The following BCL2L13 variants were observed in gnomAD, a reference collection of about 807,000 sequenced individuals.
BCL2L13 encodes bcl-2-like protein 13.
A neutral mutation model predicts 25.8 loss-of-function variants in BCL2L13; 13 were observed. The ratio of observed to expected loss-of-function variants is 0.50; its 90% CI spans 0.33 to 0.80. BCL2L13 has a LOEUF of 0.80. Ranked by LOEUF, BCL2L13 falls within the 30% of genes least tolerant of loss-of-function variation. BCL2L13 has a pLI of 0.02. For synonymous variants in BCL2L13, 244 were observed against 230.3 expected (o/e 1.06, Z -0.54); for missense variants, 504 against 574.9 (o/e 0.88, Z 1.26).
intron 5 of BCL2L13, among the ~76,000 whole-genome samples, chr22:17,702,019 A>C (rs2060452971): frequency 6.6e-6 from 1 of 152,076 alleles, no homozygotes; most frequent in African/African-American, 2.4e-5. Flanking sequence ...ATGCACACAC[A>C]TGCCTAATTA....
chr22:17,678,480 C>G (rs1349926498), intron 2 of BCL2L13, among the ~76,000 whole-genome samples: 1 of 152,082 alleles, frequency 6.6e-6, no homozygotes, highest in East Asian at 1.9e-4. Flanking sequence ...GACGAGAGCA[C>G]AGCCTGGATT....
At chr22:17,678,518 G>A (rs2059639571) in intron 2 of BCL2L13, among the ~76,000 whole-genome samples, 1 of 152,158 alleles carries the variant, frequency 6.6e-6, no homozygotes, top group African/African-American at 2.4e-5. Context: ...ACTCACCAGA[G>A]TTCCAATTAT....
chr22:17,664,786 C>G (rs935287575), intron 2 of BCL2L13, among the ~76,000 whole-genome samples: 1 of 152,236 alleles, frequency 6.6e-6, no homozygotes, highest in Non-Finnish European at 1.5e-5. Context: ...ACTTTCACCC[C>G]CTGAAGCCAT....
At chr22:17,651,948 C>G (rs1429154025) in intron 1 of BCL2L13, among the ~76,000 whole-genome samples, 4 of 152,092 alleles carry the variant, frequency 2.6e-5, no homozygotes, top group Middle Eastern at 3.2e-3. Flanking sequence ...CCTTGGCCTC[C>G]CAAAATGCTG....
At chr22:17,690,219 G>A (rs1229691470) in intron 4 of BCL2L13, among the ~76,000 whole-genome samples, 8 of 151,832 alleles carry the variant, frequency 5.3e-5, no homozygotes, top group Non-Finnish European at 8.8e-5. Context: ...CCAGCTACTC[G>A]GGAGGCTGAG....
At chr22:17,641,715 C>T (rs2058291397) in intron 1 of BCL2L13, among the ~76,000 whole-genome samples, 1 of 152,002 alleles carries the variant, frequency 6.6e-6, no homozygotes, top group Admixed American at 6.6e-5. Flanking sequence ...CCTACCCCCA[C>T]CCTTGGGCAA....
At chr22:17,631,712 T>A (rs1367129534) in intron 1 of BCL2L13, among the ~76,000 whole-genome samples, 210 of 16,040 alleles carry the variant, frequency 0.013, no homozygotes, top group South Asian at 0.032. Context: ...ATATATTTTT[T>A]TTTTTTTTTT....
chr22:17,646,037 C>T (rs891204104), intron 1 of BCL2L13, among the ~76,000 whole-genome samples: 3 of 151,370 alleles, frequency 2.0e-5, no homozygotes, highest in Admixed American at 6.6e-5. Flanking sequence ...AGGTTATATA[C>T]AAATACCACA....
intron 6 of BCL2L13, among the ~76,000 whole-genome samples, chr22:17,706,998 A>G (rs35742073): frequency 0.06 from 9,091 of 152,180 alleles, 410 homozygotes; most frequent in Non-Finnish European, 0.09. Context: ...GAAGCTTCTG[A>G]TTTTAGAATA....
chr22:17,672,764 C>A (rs2059454049), intron 2 of BCL2L13, among the ~76,000 whole-genome samples: 1 of 152,166 alleles, frequency 6.6e-6, no homozygotes, highest in African/African-American at 2.4e-5. Context: ...AGAATAAGCT[C>A]TCCTTTAATC....
At chr22:17,676,938 A>G (rs5992786) in intron 2 of BCL2L13, among the ~76,000 whole-genome samples, 17,022 of 152,262 alleles carry the variant, frequency 0.11, 1,137 homozygotes, top group African/African-American at 0.16. Context: ...TAACATTTTC[A>G]AGTTTTTATG....
chr22:17,665,251 G>C (rs2059199869), intron 2 of BCL2L13, among the ~76,000 whole-genome samples: 1 of 152,160 alleles, frequency 6.6e-6, no homozygotes, highest in African/African-American at 2.4e-5. Context: ...CTAAAACATA[G>C]CAAGAGTCAC....
At position 17,655,818 on chromosome 22, in the gene BCL2L13, T is replaced by C. The variant is rs2058836113; in HGVS notation, c.107T>C (p.Leu36Pro). ...LSQEKLQEQH[L>P]SSPQGVQLDI... ...CAAGAGAAGCTGCAAGAGCAACATC[T>C]TTCCTCACCCCAAGGTATTATCTTT... The change falls in exon 2 of 7, where the codon CTT (leucine) becomes CCT (proline). Residue 36 changes from leucine (L) to proline (P), a missense_variant. Transcript: ENST00000317582. The C allele has an allele frequency of 6.2e-7, 1 of 1,613,254 alleles. No homozygotes were observed. The highest frequency in any genetic ancestry group is 8.5e-7 in the Non-Finnish European group (1 of 1,179,666).
chr22:17,718,633 T>C (rs902858273), intron 6 of BCL2L13, among the ~76,000 whole-genome samples: 3 of 152,212 alleles, frequency 2.0e-5, no homozygotes, highest in African/African-American at 7.2e-5. Context: ...CAGTCTGTTT[T>C]AGCCATGTGG....
intron 1 of BCL2L13, among the ~76,000 whole-genome samples, chr22:17,644,202 G>A (rs918572489): frequency 6.6e-6 from 1 of 151,348 alleles, no homozygotes; most frequent in Non-Finnish European, 1.5e-5. Flanking sequence ...GAGCAACTTT[G>A]CCTGGTCTTT....
intron 5 of BCL2L13, among the ~76,000 whole-genome samples, chr22:17,700,512 T>C (rs2060401585): frequency 6.6e-6 from 1 of 152,220 alleles, no homozygotes; most frequent in Admixed American, 6.5e-5. Flanking sequence ...TTGTGGATTA[T>C]TATGGGAAAT....
At chr22:17,690,952 T>C (rs2060087316) in intron 4 of BCL2L13, among the ~76,000 whole-genome samples, 1 of 152,026 alleles carries the variant, frequency 6.6e-6, no homozygotes, top group Non-Finnish European at 1.5e-5. Context: ...GCTGCAGGGG[T>C]CCTGAAGAAG....
chr22:17,716,014 G>A lies in BCL2L13; in HGVS notation c.601-10663G>A, dbSNP rs909867821. On this transcript the variant is annotated intron_variant, in intron 6 of 6. Coordinates refer to ENST00000317582, the MANE Select transcript of BCL2L13 (RefSeq NM_015367.4). Reference sequence around the variant, plus strand: ...AGCATATGTTAGGCATTACCTGGGGGATAACAAAGAAGTTTAAAGCATGTT... The same window carrying A: ...AGCATATGTTAGGCATTACCTGGGGAATAACAAAGAAGTTTAAAGCATGTT... Among the ~76,000 whole-genome samples, 21 of 152,280 alleles carry A rather than the reference G, an allele frequency of 1.4e-4. 1 individual carries two copies. Among genetic ancestry groups the A allele is most frequent in the Admixed American group, 1.4e-3 (21 of 15,294 alleles).
intron 6 of BCL2L13, among the ~76,000 whole-genome samples, chr22:17,711,304 C>CTTTTTTTTTTTTTTTTTTTTTTTT (rs765639315): frequency 1.6e-5 from 2 of 125,384 alleles, no homozygotes; most frequent in African/African-American, 3.1e-5. Context: ...CATGATGGGC[C>CTTTTTTTTTTTTTTTTTTTTTTTT]TTTTTTTTTT....
Sources: gnomAD v4.1 joint callset for allele counts (sites outside exome capture counted in the v4.1 genomes callset) on GRCh38, gnomAD v4.1.1 for gene constraint, MANE v1.5 for transcripts, NCBI Gene and HGNC (gene_info 2026-07-23, HGNC 2026-07-21) for gene names.